The following COL4A3 variants were observed in gnomAD, a reference collection of about 807,000 sequenced individuals.
The protein encoded by COL4A3 is collagen type IV alpha 3 chain, also known as collagen alpha-3(IV) chain.
A neutral mutation model predicts 217.4 loss-of-function variants in COL4A3; 135 were observed. The ratio of observed to expected loss-of-function variants is 0.62; its 90% CI spans 0.54 to 0.72. The LOEUF is 0.72. Ranked by LOEUF, COL4A3 falls within the 30% of genes least tolerant of loss-of-function variation. COL4A3 has a pLI of 0.00. For synonymous variants in COL4A3, 690 were observed against 736.3 expected (o/e 0.94, Z 1.02); for missense variants, 1,868 against 2,119.9 (o/e 0.88, Z 2.33).
At chr2:227,184,067 C>T (rs2065938527) in intron 1 of COL4A3, among the ~76,000 whole-genome samples, 2 of 152,176 alleles carry the variant, frequency 1.3e-5, no homozygotes, top group South Asian at 4.1e-4. Flanking sequence ...ACTTCTGTTG[C>T]TTGCCACCTC....
rs1018273115 is a variant in COL4A3, at chr2:227,225,668, T to A, written c.88-12300T>A. ...TTTTTTAATCAAGTAAAATGGGAGCTTTTTATCAAGTTCCCATGTTAAGGG... is the reference window on the plus strand; with the variant it reads ...TTTTTTAATCAAGTAAAATGGGAGCATTTTATCAAGTTCCCATGTTAAGGG... On this transcript the variant is annotated intron_variant, in intron 1 of 51. Transcript: ENST00000396578. Among the ~76,000 whole-genome samples, 3 of 151,526 alleles carry A rather than the reference T, an allele frequency of 2.0e-5. No individual in the cohort carries two copies. The East Asian group carries it at 5.8e-4, about 29-fold the overall frequency.
At chr2:227,202,353 C>A (rs2125740261) in intron 1 of COL4A3, among the ~76,000 whole-genome samples, 1 of 152,190 alleles carries the variant, frequency 6.6e-6, no homozygotes, top group East Asian at 1.9e-4. Context: ...ATAGGTGTTT[C>A]TTGAAGCCCT....
intron 27 of COL4A3, among the ~76,000 whole-genome samples, chr2:227,276,814 T>C (rs1406512952): frequency 1.3e-5 from 2 of 152,290 alleles, no homozygotes; most frequent in Non-Finnish European, 2.9e-5. Flanking sequence ...CAGGATATTT[T>C]CCATAGCATC....
intron 1 of COL4A3, among the ~76,000 whole-genome samples, chr2:227,193,934 A>G (rs1261267579): frequency 6.4e-4 from 3 of 4,660 alleles, no homozygotes; most frequent in African/African-American, 2.2e-3. Context: ...GAGAAGGGAA[A>G]TAAGGAGAGA....
chr2:227,184,891 C>A (rs1412200151), intron 1 of COL4A3, among the ~76,000 whole-genome samples: 1 of 62,570 alleles, frequency 1.6e-5, no homozygotes, highest in African/African-American at 6.4e-5. Context: ...CCTCACTGGC[C>A]TTTTTTTTTT....
intron 42 of COL4A3, among the ~76,000 whole-genome samples, chr2:227,298,083 C>G (rs2073111830): frequency 6.6e-6 from 1 of 152,158 alleles, no homozygotes. Context: ...CGCAGTGGCT[C>G]ACACCCGTAA....
intron 1 of COL4A3, among the ~76,000 whole-genome samples, chr2:227,215,644 A>G (rs972676379): frequency 3.9e-5 from 6 of 152,062 alleles, no homozygotes; most frequent in Admixed American, 2.0e-4. Flanking sequence ...TTTTTAGTAG[A>G]GATGGGGTTT....
intron 1 of COL4A3, among the ~76,000 whole-genome samples, chr2:227,225,128 A>T (rs1166661428): frequency 6.6e-6 from 1 of 152,152 alleles, no homozygotes; most frequent in Non-Finnish European, 1.5e-5. Flanking sequence ...CTGGTCTCCA[A>T]CCCCTGGGCT....
intron 1 of COL4A3, among the ~76,000 whole-genome samples, chr2:227,215,504 G>A (rs948946465): frequency 6.6e-6 from 1 of 152,110 alleles, no homozygotes. Context: ...TGTCGCCCAG[G>A]CTGGAGTGTG....
chr2:227,255,912 C>G, intron 15 of COL4A3, 114 bp from the exon 16 acceptor site: 1 of 1,039,684 alleles, frequency 9.6e-7, no homozygotes, highest in Admixed American at 1.9e-5. Flanking sequence ...GATCTTTACT[C>G]AGGCTTTTCA....
intron 2 of COL4A3, among the ~76,000 whole-genome samples, chr2:227,239,362 C>T (rs1219784869): frequency 1.3e-5 from 2 of 152,044 alleles, no homozygotes; most frequent in Non-Finnish European, 2.9e-5. Flanking sequence ...AAATACGATG[C>T]CATTTTGTAT....
intron 1 of COL4A3, among the ~76,000 whole-genome samples, chr2:227,180,003 T>A (rs1296854642): frequency 6.6e-6 from 1 of 152,196 alleles, no homozygotes; most frequent in Non-Finnish European, 1.5e-5. Flanking sequence ...GAAAACATTG[T>A]TTATCTGCAA....
rs1198440787 is a variant in COL4A3 at position 227,280,915 on chromosome 2, A to T, written c.2397A>T (p.Pro799=). 1 of 1,560,004 alleles carries T rather than the reference A, an allele frequency of 6.4e-7. No homozygotes were observed. Among genetic ancestry groups the T allele is most frequent in the Non-Finnish European group, 8.7e-7 (1 of 1,151,462 alleles). The change falls in exon 31 of 52, where the codon CCA becomes CCT. Residue 799 remains proline (P), a synonymous_variant. Coordinates refer to ENST00000396578, the MANE Select transcript of COL4A3 (RefSeq NM_000091.5). ...CAGGAGATCCAGGGCAGCCTGGACC[A>T]CCTGGAGAACAAGGACCCCCAGGAA... The part of the protein sequence containing the change: ...GPRGDPGQPG[P]PGEQGPPGRC...
At position 227,311,735 on chromosome 2, in the gene COL4A3, T is replaced by A. The variant is rs779025337; in HGVS notation, c.4929-51T>A. The A allele has an allele frequency of 1.8e-5, 28 of 1,559,826 alleles. No homozygotes were observed. In the South Asian group the frequency reaches 3.1e-4, roughly 17 times the overall value. ...ATTAATAAAACAAACTCAGCAAAAA[T>A]TCCCTTTTATGCATAAATAAATGAA... On this transcript the variant is annotated intron_variant, in intron 51 of 51. Transcript: ENST00000396578.
intron 3 of COL4A3, 73 bp from the exon 4 acceptor site, chr2:227,244,247 G>A (rs1300104907): frequency 1.7e-5 from 22 of 1,274,412 alleles, no homozygotes; most frequent in Non-Finnish European, 2.5e-5. Context: ...CTGAGACTGG[G>A]TTTGATGTAT....
intron 1 of COL4A3, chr2:227,169,111 G>C (rs1292480734): frequency 3.5e-5 from 5 of 144,508 alleles, no homozygotes; most frequent in Non-Finnish European, 7.5e-5. Flanking sequence ...TCATTGTTCA[G>C]TTCCCACCTA....
intron 28 of COL4A3, among the ~76,000 whole-genome samples, chr2:227,278,229 C>T (rs1473395272): frequency 6.6e-6 from 1 of 151,784 alleles, no homozygotes; most frequent in East Asian, 1.9e-4. Context: ...GAAAAAAATG[C>T]TGTTTCCCCT....
At chr2:227,188,517 C>G (rs549256372) in intron 1 of COL4A3, among the ~76,000 whole-genome samples, 1 of 151,930 alleles carries the variant, frequency 6.6e-6, no homozygotes, top group Admixed American at 6.6e-5. Flanking sequence ...CTCCATCTCA[C>G]GTAACAGAGT....
chr2:227,274,152 G>T (rs935843794), intron 26 of COL4A3, among the ~76,000 whole-genome samples: 1 of 151,976 alleles, frequency 6.6e-6, no homozygotes, highest in East Asian at 1.9e-4. Context: ...TAGGAGAATC[G>T]CTTGAACCTG....
Sources: allele counts gnomAD v4.1 joint callset (sites outside exome capture counted in the v4.1 genomes callset), GRCh38; gene constraint gnomAD v4.1.1; transcripts MANE v1.5; gene names NCBI Gene and HGNC (gene_info 2026-07-23, HGNC 2026-07-21).